CSMD1: variants seen among roughly 807,000 people sequenced by gnomAD.
The protein encoded by CSMD1 is CUB and Sushi multiple domains 1, also known as CUB and sushi domain-containing protein 1.
CSMD1 carries 213 observed loss-of-function variants against 417.5 expected under a neutral mutation model. The ratio of observed to expected loss-of-function variants is 0.51; its 90% CI spans 0.46 to 0.57. The LOEUF (loss-of-function observed/expected upper bound fraction) is 0.57. Among genes scored for constraint, CSMD1 ranks in the 20% least tolerant of loss-of-function variants. CSMD1 has a pLI of 0.00. For missense variants in CSMD1, 6,923 were observed against 4,529.7 expected, an observed-to-expected ratio of 1.53 and a Z score of -15.17; for synonymous variants, 2,862 against 1,736.8, an observed-to-expected ratio of 1.65 and a Z score of -16.11.
chr8:4,620,264 T>C (rs1801695896), intron 2 of CSMD1, among the ~76,000 whole-genome samples: 1 of 151,608 alleles, frequency 6.6e-6, no homozygotes, highest in African/African-American at 2.4e-5. Flanking sequence ...AATTGCTCTA[T>C]CTAAAAGTCT....
At chr8:4,577,052 T>A (rs751789775) in intron 2 of CSMD1, among the ~76,000 whole-genome samples, 3 of 152,186 alleles carry the variant, frequency 2.0e-5, no homozygotes, top group Non-Finnish European at 4.4e-5. Flanking sequence ...TTGCTTTGAT[T>A]ACGAACAGGC....
At chr8:2,966,216 TTAGGCATGGGGTA>T (rs1554474188) in intron 58 of CSMD1, among the ~76,000 whole-genome samples, 1 of 152,132 alleles carries the variant, frequency 6.6e-6, no homozygotes, top group Non-Finnish European at 1.5e-5. Flanking sequence ...TAGCCCCTAA[TTAGGCATGGGGTA>T]TAATCAGAAA....
chr8:4,396,921 G>A (rs1447191187), intron 3 of CSMD1, among the ~76,000 whole-genome samples: 2 of 151,990 alleles, frequency 1.3e-5, no homozygotes, highest in Admixed American at 1.3e-4. Flanking sequence ...ACTACACCTT[G>A]GGTACAAGGT....
chr8:4,607,205 G>C (rs1405965697), intron 2 of CSMD1, among the ~76,000 whole-genome samples: 1 of 152,130 alleles, frequency 6.6e-6, no homozygotes, highest in Admixed American at 6.5e-5. Context: ...GCAGGAGTGG[G>C]AGAGGTAGAC....
chr8:3,076,971 G>A (rs1203447639), intron 49 of CSMD1, among the ~76,000 whole-genome samples: 1 of 152,040 alleles, frequency 6.6e-6, no homozygotes, highest in African/African-American at 2.4e-5. Context: ...GTATCCAACA[G>A]GCAACCCTCA....
chr8:2,968,503 A>G (rs1374965446), intron 57 of CSMD1, among the ~76,000 whole-genome samples: 1 of 152,238 alleles, frequency 6.6e-6, no homozygotes, highest in Non-Finnish European at 1.5e-5. Context: ...ATGAATGAGT[A>G]CCAGCATAAT....
At chr8:4,327,648 A>T (rs1799635531) in intron 3 of CSMD1, among the ~76,000 whole-genome samples, 1 of 152,192 alleles carries the variant, frequency 6.6e-6, no homozygotes, top group Admixed American at 6.5e-5. Context: ...ACAAAAAACA[A>T]CAAAAAGCTC....
intron 6 of CSMD1, among the ~76,000 whole-genome samples, chr8:3,713,323 T>A (rs76812823): frequency 6.6e-6 from 1 of 152,210 alleles, no homozygotes; most frequent in Admixed American, 6.5e-5. Flanking sequence ...AAACCATTAC[T>A]ATATTTGAAT....
intron 3 of CSMD1, among the ~76,000 whole-genome samples, chr8:4,166,324 T>A (rs1234730233): frequency 6.6e-6 from 1 of 152,164 alleles, no homozygotes; most frequent in Non-Finnish European, 1.5e-5. Context: ...TTGTAACAGG[T>A]CTATAAAAGA....
At chr8:4,762,860 T>G (rs1029512055) in intron 1 of CSMD1, among the ~76,000 whole-genome samples, 13 of 152,188 alleles carry the variant, frequency 8.5e-5, no homozygotes, top group Admixed American at 2.0e-4. Context: ...TGTATTGGAG[T>G]TAATAATATT....
chr8:4,010,212 A>T (rs538514858), intron 4 of CSMD1, among the ~76,000 whole-genome samples: 1 of 152,150 alleles, frequency 6.6e-6, no homozygotes, highest in South Asian at 2.1e-4. Context: ...GACTGTGCCC[A>T]CCCACATGCA....
intron 5 of CSMD1, among the ~76,000 whole-genome samples, chr8:3,953,049 A>G (rs1563248113): frequency 6.6e-6 from 1 of 152,132 alleles, no homozygotes; most frequent in Admixed American, 6.5e-5. Flanking sequence ...AATTATAATC[A>G]ATGAAAAGAA....
At chr8:4,847,886 C>T (rs748313764) in intron 1 of CSMD1, among the ~76,000 whole-genome samples, 2 of 151,750 alleles carry the variant, frequency 1.3e-5, no homozygotes, top group Non-Finnish European at 2.9e-5. Flanking sequence ...CAACCATCAC[C>T]ATAGTCAATT....
At chr8:4,093,780 G>C (rs923461999) in intron 3 of CSMD1, among the ~76,000 whole-genome samples, 1 of 152,108 alleles carries the variant, frequency 6.6e-6, no homozygotes, top group Admixed American at 6.6e-5. Flanking sequence ...GGCCAACATG[G>C]TGAAATCCCA....
intron 2 of CSMD1, among the ~76,000 whole-genome samples, chr8:4,555,939 C>A (rs1798069530): frequency 6.6e-6 from 1 of 152,014 alleles, no homozygotes; most frequent in African/African-American, 2.4e-5. Flanking sequence ...TCAACAGTTC[C>A]TTACTTTAGG....
chr8:4,865,309 G>C (rs568357424), intron 1 of CSMD1, among the ~76,000 whole-genome samples: 11 of 151,796 alleles, frequency 7.2e-5, no homozygotes, highest in Admixed American at 7.2e-4. Flanking sequence ...TGAATAAAGA[G>C]AAAATCTCAT....
At chr8:4,412,500 CTG>C (rs1215732237) in intron 3 of CSMD1, among the ~76,000 whole-genome samples, 3 of 152,198 alleles carry the variant, frequency 2.0e-5, no homozygotes, top group Non-Finnish European at 2.9e-5. Context: ...GCCTGCAGAA[CTG>C]TGAACCAATT....
intron 3 of CSMD1, among the ~76,000 whole-genome samples, chr8:4,326,999 A>G (rs1799597811): frequency 6.6e-6 from 1 of 152,176 alleles, no homozygotes; most frequent in Non-Finnish European, 1.5e-5. Flanking sequence ...AAGGAAAACG[A>G]AAGAATTGGG....
At chr8:4,898,216 C>G (rs922143712) in intron 1 of CSMD1, among the ~76,000 whole-genome samples, 1 of 152,116 alleles carries the variant, frequency 6.6e-6, no homozygotes, top group Non-Finnish European at 1.5e-5. Flanking sequence ...ATGATTAAAA[C>G]GCACACATGA....
Sources: allele counts gnomAD v4.1 joint callset (sites outside exome capture counted in the v4.1 genomes callset), GRCh38; gene constraint gnomAD v4.1.1; transcripts MANE v1.5; gene names NCBI Gene and HGNC (gene_info 2026-07-23, HGNC 2026-07-21).